PRR16: variants seen among roughly 807,000 people sequenced by gnomAD.
PRR16 encodes protein Largen.
In PRR16, 6 loss-of-function variants were observed where a neutral mutation model predicts 18.2. That is an observed-to-expected ratio of 0.33 (90% CI 0.18 to 0.65). The LOEUF is 0.65. Among genes scored for constraint, PRR16 ranks in the 30% least tolerant of loss-of-function variants. PRR16 has a pLI of 0.74. For synonymous variants in PRR16, 151 were observed against 147.8 expected (o/e 1.02, Z -0.16); for missense variants, 412 against 376.6 (o/e 1.09, Z -0.78).
intron 1 of PRR16, among the ~76,000 whole-genome samples, chr5:120,661,464 C>G (rs1478049116): frequency 6.6e-6 from 1 of 152,012 alleles, no homozygotes; most frequent in East Asian, 1.9e-4. Flanking sequence ...TGGCCAAATT[C>G]AGTAGTTTAT....
intron 1 of PRR16, among the ~76,000 whole-genome samples, chr5:120,536,193 A>G (rs1475807024): frequency 6.6e-6 from 1 of 152,212 alleles, no homozygotes; most frequent in East Asian, 1.9e-4. Context: ...CTCTGTGATC[A>G]GCAGAGTGAG....
At chr5:120,786,373 CTG>C in the PRR16 span, among the ~76,000 whole-genome samples, 11 of 151,684 alleles carry the variant, frequency 7.3e-5, no homozygotes, top group Admixed American at 1.3e-4. Flanking sequence ...AATGGATAAA[CTG>C]TATCTGGTTT....
chr5:120,468,926 C>A lies in PRR16; in HGVS notation c.159+4281C>A, dbSNP rs557357852. Among the ~76,000 whole-genome samples, 3 of 152,174 alleles carry A rather than the reference C, an allele frequency of 2.0e-5. No homozygotes were observed. In the East Asian group the frequency reaches 5.8e-4, roughly 29 times the overall value. On this transcript the variant is annotated intron_variant, in intron 1 of 1. Transcript: ENST00000407149. ...TTTCTTGAGAGGCTTTCTGAATAGA[C>A]ATGACTCTAACAGAGAAACTAAAAT... is the stretch of plus-strand genomic sequence containing the variant.
the PRR16 span, among the ~76,000 whole-genome samples, chr5:120,728,067 T>C: frequency 3.3e-5 from 5 of 151,946 alleles, no homozygotes; most frequent in Admixed American, 2.0e-4. Context: ...AAAATTATTA[T>C]ATAGAATTAC....
intron 1 of PRR16, among the ~76,000 whole-genome samples, chr5:120,506,837 G>T (rs796156792): frequency 8.5e-5 from 13 of 152,118 alleles, no homozygotes; most frequent in African/African-American, 3.1e-4. Flanking sequence ...ATTAAGAAGA[G>T]CTTGCCAACT....
intron 1 of PRR16, among the ~76,000 whole-genome samples, chr5:120,649,826 T>C (rs1425170932): frequency 6.6e-6 from 1 of 152,156 alleles, no homozygotes. Context: ...ATTATATTTT[T>C]ATAAGGCACC....
chr5:120,640,480 G>T (rs1755386247), intron 1 of PRR16, among the ~76,000 whole-genome samples: 1 of 151,994 alleles, frequency 6.6e-6, no homozygotes, highest in African/African-American at 2.4e-5. Context: ...CTAATATAAT[G>T]CCCCCCATAA....
intron 1 of PRR16, among the ~76,000 whole-genome samples, chr5:120,617,525 T>C (rs1754552740): frequency 6.6e-6 from 1 of 152,314 alleles, no homozygotes; most frequent in East Asian, 1.9e-4. Flanking sequence ...AAATATTTGT[T>C]GTTTGTTCAA....
In PRR16 at chr5:120,686,730, GT is replaced by G. The variant is rs1261171637; in HGVS notation, c.*28del. The G allele has an allele frequency of 1.4e-6, 2 of 1,429,920 alleles. No individual in the cohort carries two copies. The highest frequency in any genetic ancestry group is 9.2e-7 in the Non-Finnish European group (1 of 1,084,752). The allele number at this position is 1,429,920 out of a possible 1,614,324, so 88.6% of individuals were successfully genotyped here. A position where few individuals can be genotyped will look rare whatever the true frequency, so the allele number is the denominator to read the frequency against. ...TGTGATGTATGCCATTAAAAAAATT[GT>G]TTTTTTAATTTTCTATATTATAAAC... On this transcript the variant is annotated 3_prime_UTR_variant, in exon 2 of 2. Coordinates refer to ENST00000407149, the MANE Select transcript of PRR16 (RefSeq NM_001300783.2).
In PRR16 at chr5:120,653,078, G is replaced by A. The variant is rs114284239; in HGVS notation, c.160-32876G>A. On this transcript the variant is annotated intron_variant, in intron 1 of 1. Transcript: ENST00000407149. ...ATTAATCTATTTAGATAAAGTTCAA[G>A]GATAGGCAAAATTAATTCATGCTAT... Among the ~76,000 whole-genome samples the A allele has an allele frequency of 3.5e-3, 525 of 152,020 alleles. 2 individuals are homozygous for A. Among genetic ancestry groups the A allele is most frequent in the African/African-American group, 0.012 (514 of 41,514 alleles).
chr5:120,638,187 G>C (rs1352176754), intron 1 of PRR16, among the ~76,000 whole-genome samples: 1 of 152,096 alleles, frequency 6.6e-6, no homozygotes, highest in African/African-American at 2.4e-5. Flanking sequence ...AGGAGGTCAG[G>C]TGTAGAATTT....
At chr5:120,764,879 CT>C in the PRR16 span, among the ~76,000 whole-genome samples, 1 of 151,926 alleles carries the variant, frequency 6.6e-6, no homozygotes, top group Non-Finnish European at 1.5e-5. Flanking sequence ...ATTCATTAAC[CT>C]TTCTCATCAT....
At chr5:120,634,091 G>A (rs749469337) in intron 1 of PRR16, among the ~76,000 whole-genome samples, 6 of 152,008 alleles carry the variant, frequency 3.9e-5, no homozygotes, top group African/African-American at 9.7e-5. Flanking sequence ...CTCAGATCAC[G>A]GTGAAATAAA....
At chr5:120,552,487 A>G (rs1752284909) in intron 1 of PRR16, among the ~76,000 whole-genome samples, 1 of 151,964 alleles carries the variant, frequency 6.6e-6, no homozygotes, top group Admixed American at 6.6e-5. Flanking sequence ...AATTTATCCC[A>G]TTTATATCAT....
the PRR16 span, among the ~76,000 whole-genome samples, chr5:120,774,614 T>C: frequency 2.6e-5 from 4 of 152,132 alleles, no homozygotes; most frequent in Non-Finnish European, 5.9e-5. Context: ...CCTGCTGAGT[T>C]GTAAAACCCT....
the PRR16 span, among the ~76,000 whole-genome samples, chr5:120,785,680 C>A: frequency 7.3e-3 from 1,091 of 149,442 alleles, 21 homozygotes; most frequent in African/African-American, 0.025. Context: ...TCAAGCAATT[C>A]TCCTGCCTCA....
Position 120,591,151 on chromosome 5 carries a change from C to T in PRR16, c.160-94803C>T, listed in dbSNP as rs200845286. On this transcript the variant is annotated intron_variant, in intron 1 of 1. Coordinates refer to ENST00000407149, the MANE Select transcript of PRR16 (RefSeq NM_001300783.2). ...AATATTAGCCGGGTGTGGTGGTGGG[C>T]GCCTGTAATCCCAGCTACTCGGGAG... Among the ~76,000 whole-genome samples the T allele has an allele frequency of 1.5e-4, 23 of 151,810 alleles. No individual in the cohort carries two copies. The East Asian group carries it at 3.7e-3, about 24-fold the overall frequency.
intron 1 of PRR16, among the ~76,000 whole-genome samples, chr5:120,603,348 T>C (rs1218052528): frequency 1.3e-5 from 2 of 152,150 alleles, no homozygotes; most frequent in Admixed American, 6.6e-5. Context: ...CTTGTCTGCA[T>C]TGAGGTGTTC....
At chr5:120,497,439 G>A (rs1189160221) in intron 1 of PRR16, among the ~76,000 whole-genome samples, 1 of 131,938 alleles carries the variant, frequency 7.6e-6, no homozygotes, top group Non-Finnish European at 1.5e-5. Context: ...CACCTGAGCT[G>A]GAGTGCAATG....
Sources: allele counts gnomAD v4.1 joint callset (sites outside exome capture counted in the v4.1 genomes callset), GRCh38; gene constraint gnomAD v4.1.1; transcripts MANE v1.5; gene names NCBI Gene and HGNC (gene_info 2026-07-23, HGNC 2026-07-21).